The following OTOF variants were observed in gnomAD, a reference collection of about 807,000 sequenced individuals.
The protein encoded by OTOF is fer-1-like family member 2.
Under a neutral mutation model 236.8 loss-of-function variants are expected in OTOF, and 218 were observed. The observed-to-expected ratio is 0.92, with a 90% confidence interval of 0.82 to 1.03. The LOEUF is 1.03. OTOF is among the 50% of genes least tolerant of loss of function. OTOF has a pLI of 0.00. For synonymous variants in OTOF, 1,041 were observed against 1,072.5 expected (o/e 0.97, Z 0.57); for missense variants, 2,590 against 2,694.4 (o/e 0.96, Z 0.86).
intron 13 of OTOF, among the ~76,000 whole-genome samples, chr2:26,482,874 TGA>T (rs1478217835): frequency 6.8e-6 from 1 of 147,936 alleles, no homozygotes; most frequent in Non-Finnish European, 1.5e-5. Context: ...TGTGCGTGTG[TGA>T]GTGGTTGCAT....
chr2:26,457,494 A>C lies in OTOF; in HGVS notation c.*744T>G, dbSNP rs1356197356. On this transcript the variant is annotated 3_prime_UTR_variant, in exon 47 of 47. Coordinates refer to ENST00000272371, the MANE Select transcript of OTOF (RefSeq NM_194248.3). The surrounding 1 kb of genome is among the most constrained non-coding windows in gnomAD (Gnocchi z 4.4). Reference sequence around the variant, plus strand: ...CAGGCAGGACAGGCGACCCCCTGGGAAGTGAGAGGAGCCAAGTGGAGCCCA... The same window carrying C: ...CAGGCAGGACAGGCGACCCCCTGGGCAGTGAGAGGAGCCAAGTGGAGCCCA... 1.3e-5 allele frequency: 2 copies of C among 152,596 alleles called. No homozygotes were observed. Among genetic ancestry groups the C allele is most frequent in the African/African-American group, 4.8e-5 (2 of 41,338 alleles). 9.5% of individuals were successfully genotyped at this position (152,596 alleles called of 1,614,324 possible). A position where few individuals can be genotyped will look rare whatever the true frequency, so the allele number is the denominator to read the frequency against.
chr2:26,556,519 C>T lies in OTOF; in HGVS notation c.79+1974G>A, dbSNP rs1380408384. Among the ~76,000 whole-genome samples the T allele has an allele frequency of 5.3e-5, 8 of 152,272 alleles. No homozygotes were observed. In the South Asian group the frequency reaches 1.0e-3, roughly 20 times the overall value. ...CTCCTGCCAATGTGGAGCTTGGAAG[C>T]GATTTCTCCACTCAGTCCAGAGAGC... On this transcript the variant is annotated intron_variant, in intron 1 of 46. Transcript: ENST00000272371.
chr2:26,553,913 C>T (rs756993967), intron 1 of OTOF, among the ~76,000 whole-genome samples: 6 of 152,146 alleles, frequency 3.9e-5, no homozygotes, highest in Non-Finnish European at 8.8e-5. Context: ...TGGCTCACAC[C>T]TGTAATCCCA....
chr2:26,467,397 C>G lies in OTOF; in HGVS notation c.4195G>C (p.Glu1399Gln). 1 of 1,613,882 alleles carries G rather than the reference C, an allele frequency of 6.2e-7. No individual in the cohort carries two copies. Among genetic ancestry groups the G allele is most frequent in the Non-Finnish European group, 8.5e-7 (1 of 1,180,018 alleles). The stretch of plus-strand genomic sequence containing the variant: ...TCATCAATCTTGGGTTTCTTCTTCT[C>G]GGGGGCCTCGGACCCCTGGCCAGAG... ...SGSGQGSEAP[E>Q]KKKPKIDELK... The change falls in exon 34 of 47, where the codon GAG becomes CAG. Residue 1399 changes from glutamate to glutamine, a missense_variant. This residue lies in a region of OTOF where 1,211 missense variants were observed against 1,352.8 expected (regional missense o/e 0.90). Transcript: ENST00000272371.
At chr2:26,508,295 T>C (rs1047358602) in intron 5 of OTOF, among the ~76,000 whole-genome samples, 1 of 152,212 alleles carries the variant, frequency 6.6e-6, no homozygotes, top group African/African-American at 2.4e-5. Flanking sequence ...CGCCCCTAAA[T>C]GGGTTTATTT....
intron 5 of OTOF, among the ~76,000 whole-genome samples, chr2:26,516,142 C>A (rs1232360137): frequency 6.6e-6 from 1 of 152,216 alleles, no homozygotes; most frequent in Non-Finnish European, 1.5e-5. Context: ...TAGCCCCATC[C>A]CTGTGTTAGA....
chr2:26,540,195 G>C (rs910884530), intron 1 of OTOF, among the ~76,000 whole-genome samples: 2 of 152,316 alleles, frequency 1.3e-5, no homozygotes, highest in East Asian at 3.9e-4. Flanking sequence ...GCCTCCCAAA[G>C]TGCTGGGATT....
At chr2:26,463,438 TG>T in intron 41 of OTOF, 44 bp downstream of exon 41, 1 of 1,461,630 alleles carries the variant, frequency 6.8e-7, no homozygotes, top group Non-Finnish European at 9.4e-7. Flanking sequence ...GGGAAGTGGG[TG>T]GGGTGGGCCG....
At chr2:26,542,893 A>C (rs886284350) in intron 1 of OTOF, among the ~76,000 whole-genome samples, 1 of 152,210 alleles carries the variant, frequency 6.6e-6, no homozygotes, top group Non-Finnish European at 1.5e-5. Flanking sequence ...GGCCCAGCCC[A>C]CTAGCCTATC....
intron 26 of OTOF, 59 bp from the exon 27 acceptor site, chr2:26,474,169 C>T: frequency 6.2e-7 from 1 of 1,608,620 alleles, no homozygotes; most frequent in Non-Finnish European, 8.5e-7. Context: ...GTCTCTTTCC[C>T]CATGAGTTGT....
chr2:26,480,296 T>C lies in OTOF; in HGVS notation c.1819A>G (p.Met607Val). 2.5e-6 allele frequency: 4 copies of C among 1,606,594 alleles called. No homozygotes were observed. Among genetic ancestry groups the C allele is most frequent in the Non-Finnish European group, 3.4e-6 (4 of 1,174,410 alleles). ...GCTCCAAAGAGAAAGAATTCTTCCA[T>C]TTTACCTGCACAGCTCTGTGGGGAG... is the stretch of plus-strand genomic sequence containing the variant. Reference protein sequence around the residue: ...TPISESCAGKMEEFFLFGAFL... With the variant: ...TPISESCAGKVEEFFLFGAFL... The change falls in exon 16 of 47, where the codon ATG becomes GTG. Residue 607 changes from methionine to valine, a missense_variant. Transcript: ENST00000272371.
In OTOF at chr2:26,473,873, G is replaced by A. The variant is rs1234150452; in HGVS notation, c.3408+118C>T. The A allele has an allele frequency of 2.2e-6, 3 of 1,383,354 alleles. No homozygotes were observed. Among genetic ancestry groups the A allele is most frequent in the Non-Finnish European group, 3.1e-6 (3 of 974,592 alleles). 85.7% of individuals were successfully genotyped at this position (1,383,354 alleles called of 1,614,324 possible). A position where few individuals can be genotyped will look rare whatever the true frequency, so the allele number is the denominator to read the frequency against. On this transcript the variant is annotated intron_variant, in intron 27 of 46. Transcript: ENST00000272371. The surrounding 1 kb of genome is among the most constrained non-coding windows in gnomAD (Gnocchi z 7.2). ...GGGCAGGCCCTGGGCTGGGGCAGGA[G>A]CCTGGGTCTGCTGCTGGCTCCTGGT...
intron 8 of OTOF, among the ~76,000 whole-genome samples, chr2:26,497,190 C>T (rs2148074353): frequency 1.3e-5 from 2 of 151,140 alleles, no homozygotes; most frequent in East Asian, 3.9e-4. Flanking sequence ...GCAACCTCCA[C>T]CTCCCGGGTT....
intron 7 of OTOF, among the ~76,000 whole-genome samples, chr2:26,502,099 G>A (rs2148078289): frequency 6.6e-6 from 1 of 152,326 alleles, no homozygotes; most frequent in South Asian, 2.1e-4. Flanking sequence ...CCTGAGAACA[G>A]GCCTGCAGCT....
At chr2:26,513,975 A>C (rs1314637446) in intron 5 of OTOF, among the ~76,000 whole-genome samples, 1 of 152,212 alleles carries the variant, frequency 6.6e-6, no homozygotes, top group Non-Finnish European at 1.5e-5. Context: ...CTTGACCCAG[A>C]ACTCAATGGC....
rs951011336 is a variant in OTOF at position 26,479,751 on chromosome 2, G to C, written c.1913-98C>G. The stretch of plus-strand genomic sequence containing the variant: ...TGCCTTGGGTTTGGGAAAGGGGAGA[G>C]GGAGAGTCAGGGAATGGGGCTCAGA... On this transcript the variant is annotated intron_variant, in intron 16 of 46. Coordinates refer to ENST00000272371, the MANE Select transcript of OTOF (RefSeq NM_194248.3). 30 of 1,163,870 alleles carry C rather than the reference G, an allele frequency of 2.6e-5. No homozygotes were observed. The African/African-American group carries it at 3.9e-4, about 15-fold the overall frequency. 72.1% of individuals were successfully genotyped at this position (1,163,870 alleles called of 1,614,324 possible). A position where few individuals can be genotyped will look rare whatever the true frequency, so the allele number is the denominator to read the frequency against.
chr2:26,476,803 C>A, intron 22 of OTOF, 88 bp downstream of exon 22: 1 of 1,241,504 alleles, frequency 8.1e-7, no homozygotes, highest in Non-Finnish European at 1.2e-6. Context: ...GAAGGCCCCA[C>A]CCTGTCACTC....
At chr2:26,516,375 T>A (rs1430199430) in intron 5 of OTOF, 43 bp downstream of exon 5, 2 of 1,575,270 alleles carry the variant, frequency 1.3e-6, no homozygotes, top group Non-Finnish European at 1.7e-6. Flanking sequence ...CTCTTCCCCG[T>A]GTCTTGGGAG....
chr2:26,471,012 T>C, intron 31 of OTOF, 109 bp downstream of exon 31: 1 of 1,394,474 alleles, frequency 7.2e-7, no homozygotes, highest in South Asian at 1.2e-5. Flanking sequence ...GGCCCAAGCA[T>C]GCGGGGGCTG....
Sources: gnomAD v4.1 joint callset for allele counts (sites outside exome capture counted in the v4.1 genomes callset) on GRCh38, gnomAD v4.1.1 for gene constraint, gnomAD v4.1.1 regional missense constraint, Gnocchi (gnomAD v3.1) non-coding constraint, MANE v1.5 for transcripts, NCBI Gene and HGNC (gene_info 2026-07-23, HGNC 2026-07-21) for gene names.